Variants in UTRN observed in about 807,000 individuals in gnomAD.
UTRN encodes dystrophin-related protein 1.
Under a neutral mutation model 463.9 loss-of-function variants are expected in UTRN, and 283 were observed. That is an observed-to-expected ratio of 0.61 (90% confidence interval 0.55 to 0.67). The LOEUF is 0.67. Among genes scored for constraint, UTRN ranks in the 30% least tolerant of loss-of-function variants. The pLI, the probability that UTRN is intolerant of heterozygous loss-of-function variation, is 0.00. For synonymous variants in UTRN, 1,442 were observed against 1,431.5 expected (o/e 1.01, Z -0.17); for missense variants, 3,922 against 4,084.3 (o/e 0.96, Z 1.08).
At chr6:144,715,659 A>G (rs981661210) in intron 53 of UTRN, among the ~76,000 whole-genome samples, 4 of 150,062 alleles carry the variant, frequency 2.7e-5, no homozygotes, top group Admixed American at 2.7e-4. Flanking sequence ...GCTCCCTCTG[A>G]GCACTCCTTC....
At chr6:144,827,733 C>G in intron 68 of UTRN, 57 bp downstream of exon 68, 1 of 1,525,796 alleles carries the variant, frequency 6.6e-7, no homozygotes, top group Non-Finnish European at 9.0e-7. Context: ...GTATCTATGT[C>G]TAATTAATCT....
intron 51 of UTRN, among the ~76,000 whole-genome samples, chr6:144,632,590 A>G (rs559361290): frequency 6.6e-6 from 1 of 152,282 alleles, no homozygotes; most frequent in Non-Finnish European, 1.5e-5. Flanking sequence ...GAACTGCAGA[A>G]ACTCCTTTCT....
intron 40 of UTRN, 71 bp downstream of exon 40, chr6:144,522,242 G>C (rs1015293539): frequency 4.7e-6 from 6 of 1,273,616 alleles, no homozygotes; most frequent in Non-Finnish European, 6.2e-6. Flanking sequence ...TTGTTCTTGT[G>C]CCTACTTAGA....
intron 53 of UTRN, among the ~76,000 whole-genome samples, chr6:144,703,836 G>T (rs978621792): frequency 2.0e-5 from 3 of 152,048 alleles, no homozygotes; most frequent in Non-Finnish European, 2.9e-5. Context: ...TTACAACAAA[G>T]GTAACAGAAA....
At chr6:144,684,873 T>C (rs553593831) in intron 52 of UTRN, among the ~76,000 whole-genome samples, 2 of 152,310 alleles carry the variant, frequency 1.3e-5, no homozygotes, top group African/African-American at 4.8e-5. Flanking sequence ...TTTTTAAAAG[T>C]TTTACAATTT....
intron 66 of UTRN, among the ~76,000 whole-genome samples, chr6:144,823,857 C>A (rs1779801171): frequency 6.6e-6 from 1 of 152,146 alleles, no homozygotes; most frequent in Admixed American, 6.5e-5. Flanking sequence ...ATAGACACCT[C>A]TCCCTGGTAT....
chr6:144,513,048 T>C (rs1795311286), intron 35 of UTRN, among the ~76,000 whole-genome samples: 1 of 152,206 alleles, frequency 6.6e-6, no homozygotes, highest in African/African-American at 2.4e-5. Flanking sequence ...CATAATCTGC[T>C]TAACTCTTGC....
At chr6:144,339,343 G>T (rs186475902) in intron 2 of UTRN, among the ~76,000 whole-genome samples, 1 of 152,288 alleles carries the variant, frequency 6.6e-6, no homozygotes, top group Non-Finnish European at 1.5e-5. Context: ...GATGCATCTT[G>T]AATTTTTGAA....
intron 23 of UTRN, among the ~76,000 whole-genome samples, chr6:144,471,297 A>G (rs1293303392): frequency 6.6e-6 from 1 of 152,160 alleles, no homozygotes; most frequent in Non-Finnish European, 1.5e-5. Context: ...AAGGCCACTT[A>G]CTCAAGTCAA....
rs562505630 is a variant in UTRN, at chr6:144,793,346, T to C, written c.8921-488T>C. On this transcript the variant is annotated intron_variant, in intron 62 of 74. Transcript: ENST00000367545. Reference sequence around the variant, plus strand: ...ACTGGTCTCAAACTCCTGGCTCAAGTGATCCTCCTGCCTTAGTCTCTCCAG... The same window carrying C: ...ACTGGTCTCAAACTCCTGGCTCAAGCGATCCTCCTGCCTTAGTCTCTCCAG... Among the ~76,000 whole-genome samples, 3 of 152,194 alleles carry C rather than the reference T, an allele frequency of 2.0e-5. No homozygotes were observed. In the South Asian group the frequency reaches 6.2e-4, roughly 32 times the overall value.
chr6:144,551,168 C>A (rs1798879339), intron 48 of UTRN, 86 bp downstream of exon 48: 4 of 714,022 alleles, frequency 5.6e-6, no homozygotes, highest in East Asian at 2.9e-5. Flanking sequence ...CACACACACA[C>A]AAACACATTT....
chr6:144,632,717 C>T (rs1356462920), intron 51 of UTRN, among the ~76,000 whole-genome samples: 2 of 149,510 alleles, frequency 1.3e-5, no homozygotes, highest in African/African-American at 4.9e-5. Context: ...ATATTGTAAA[C>T]TTTTACTTTT....
chr6:144,843,656 C>G (rs930340445), intron 73 of UTRN, among the ~76,000 whole-genome samples: 2 of 152,162 alleles, frequency 1.3e-5, no homozygotes, highest in African/African-American at 4.8e-5. Context: ...ATCCTCTCCC[C>G]TGCATTGGTC....
chr6:144,311,383 G>A (rs888496811), intron 2 of UTRN, among the ~76,000 whole-genome samples: 1 of 152,102 alleles, frequency 6.6e-6, no homozygotes, highest in African/African-American at 2.4e-5. Context: ...GGCTTCTGAG[G>A]GTCCTTCATG....
intron 53 of UTRN, among the ~76,000 whole-genome samples, chr6:144,713,574 A>T (rs1291232597): frequency 2.0e-5 from 3 of 150,384 alleles, no homozygotes; most frequent in African/African-American, 7.3e-5. Context: ...AGATCACAGC[A>T]TTGTACTCCA....
chr6:144,714,430 G>A (rs767940239), intron 53 of UTRN, among the ~76,000 whole-genome samples: 5 of 152,170 alleles, frequency 3.3e-5, no homozygotes, highest in Non-Finnish European at 7.3e-5. Flanking sequence ...TGCTGTACCA[G>A]CAATACCTCT....
At chr6:144,442,415 A>C (rs538627556) in intron 13 of UTRN, among the ~76,000 whole-genome samples, 2 of 152,154 alleles carry the variant, frequency 1.3e-5, no homozygotes, top group African/African-American at 2.4e-5. Context: ...ATTTTAGGGT[A>C]TCTTTTCAAC....
intron 61 of UTRN, 111 bp from the exon 62 acceptor site, chr6:144,789,083 A>T: frequency 1.2e-6 from 1 of 835,896 alleles, no homozygotes. Flanking sequence ...CATCTTTAAG[A>T]TACAATTATT....
At chr6:144,542,975 A>G (rs1301020076) in intron 46 of UTRN, 105 bp downstream of exon 46, 4 of 897,842 alleles carry the variant, frequency 4.5e-6, no homozygotes, top group Non-Finnish European at 6.7e-6. Context: ...ACGTCGTGCC[A>G]TTTTCTTTAT....
Sources: gnomAD v4.1 joint callset for allele counts (sites outside exome capture counted in the v4.1 genomes callset) on GRCh38, gnomAD v4.1.1 for gene constraint, MANE v1.5 for transcripts, NCBI Gene and HGNC (gene_info 2026-07-23, HGNC 2026-07-21) for gene names.